The following CCDC40 variants were observed in gnomAD, a reference collection of about 807,000 sequenced individuals.
CCDC40 encodes coiled-coil domain-containing protein 40.
In CCDC40, 104 loss-of-function variants were observed where a neutral mutation model predicts 124.5. That is an observed-to-expected ratio of 0.84 (90% CI 0.71 to 0.98). The LOEUF is 0.98. Among genes scored for constraint, CCDC40 ranks in the 50% least tolerant of loss-of-function variants. The pLI, the probability that CCDC40 is intolerant of heterozygous loss-of-function variation, is 0.00. For synonymous variants in CCDC40, 580 were observed against 602.9 expected, an observed-to-expected ratio of 0.96 and a Z score of 0.56; for missense variants, 1,463 against 1,503.9, an observed-to-expected ratio of 0.97 and a Z score of 0.45.
At chr17:80,042,862 GTTT>G (rs11308447) in intron 3 of CCDC40, among the ~76,000 whole-genome samples, 2 of 146,930 alleles carry the variant, frequency 1.4e-5, no homozygotes, top group African/African-American at 2.5e-5. Flanking sequence ...TTGTTGGGTT[GTTT>G]TTTTTTTTTT....
chr17:80,095,145 T>G, intron 17 of CCDC40, 118 bp from the exon 18 acceptor site: 1 of 937,390 alleles, frequency 1.1e-6, no homozygotes, highest in East Asian at 2.6e-5. Flanking sequence ...CCTCACTGTT[T>G]CCCCGCCGAT....
At chr17:80,051,650 A>AGAAAAG (rs2037599210) in intron 7 of CCDC40, among the ~76,000 whole-genome samples, 1 of 143,718 alleles carries the variant, frequency 7.0e-6, no homozygotes, top group African/African-American at 2.6e-5. Flanking sequence ...AAAAAAAAAA[A>AGAAAAG]AAAAGAAAAA....
intron 3 of CCDC40, chr17:80,040,545 GGC>G: frequency 2.2e-6 from 1 of 450,550 alleles, no homozygotes; most frequent in Non-Finnish European, 4.1e-6. Flanking sequence ...CAGGCGTGGT[GGC>G]GCACGCCTGT....
chr17:80,048,952 G>T (rs1258445893), intron 5 of CCDC40, among the ~76,000 whole-genome samples, 191 bp downstream of exon 5: 2 of 152,174 alleles, frequency 1.3e-5, no homozygotes, highest in Non-Finnish European at 2.9e-5. Context: ...GGTTGGTATA[G>T]GTGAGGCCTG....
At chr17:80,038,299 G>A (rs2037181493) in intron 2 of CCDC40, 113 bp downstream of exon 2, 1 of 710,524 alleles carries the variant, frequency 1.4e-6, no homozygotes, top group Non-Finnish European at 2.5e-6. Flanking sequence ...GGGAGGCCAA[G>A]GCAGGTGGAT....
At chr17:80,067,865 A>T in intron 10 of CCDC40, 2 of 1,393,594 alleles carry the variant, frequency 1.4e-6, no homozygotes, top group Non-Finnish European at 1.9e-6. Flanking sequence ...TGATGAAGAA[A>T]ATAGATAATC....
At chr17:80,099,223 G>A (rs1013176493) in intron 19 of CCDC40, among the ~76,000 whole-genome samples, 1 of 151,842 alleles carries the variant, frequency 6.6e-6, no homozygotes, top group South Asian at 2.1e-4. Context: ...CCCGGGAGGC[G>A]GAGCTTGCAG....
chr17:80,053,677 C>G (rs1477279725), intron 7 of CCDC40, among the ~76,000 whole-genome samples: 1 of 152,168 alleles, frequency 6.6e-6, no homozygotes, highest in Non-Finnish European at 1.5e-5. Context: ...ACTGCAACCT[C>G]CACCTCCCGG....
chr17:80,048,419 G>A (rs1388724960), intron 4 of CCDC40, 164 bp from the exon 5 acceptor site: 5 of 682,284 alleles, frequency 7.3e-6, no homozygotes, highest in Non-Finnish European at 1.3e-5. Flanking sequence ...AGAAGATGGG[G>A]TGAATGATGT....
chr17:80,073,335 C>T (rs2143710246), intron 10 of CCDC40, among the ~76,000 whole-genome samples: 1 of 152,270 alleles, frequency 6.6e-6, no homozygotes, highest in Non-Finnish European at 1.5e-5. Context: ...GGAGCAAGTC[C>T]ACCGGCACCA....
At chr17:80,046,218 C>T (rs994342000) in intron 3 of CCDC40, among the ~76,000 whole-genome samples, 9 of 152,076 alleles carry the variant, frequency 5.9e-5, no homozygotes, top group African/African-American at 1.4e-4. Flanking sequence ...AAATGGAAAA[C>T]ATCTAACTCT....
At chr17:80,075,286 T>A (rs1233122261) in intron 10 of CCDC40, among the ~76,000 whole-genome samples, 2 of 150,208 alleles carry the variant, frequency 1.3e-5, no homozygotes, top group Non-Finnish European at 3.0e-5. Context: ...TTTTTTTTTT[T>A]TTTTTTTTGA....
chr17:80,078,059 GT>G (rs1453616607), intron 10 of CCDC40, among the ~76,000 whole-genome samples: 7 of 152,100 alleles, frequency 4.6e-5, no homozygotes, highest in East Asian at 3.8e-4. Flanking sequence ...GCCGGGCACA[GT>G]GTGGCTCATG....
Position 80,058,830 on chromosome 17 carries a change from C to A in CCDC40, c.1318-28C>A. On this transcript the variant is annotated intron_variant, in intron 8 of 19. Coordinates refer to ENST00000397545, the MANE Select transcript of CCDC40 (RefSeq NM_017950.4). The surrounding 1 kb of genome is among the most constrained non-coding windows in gnomAD (Gnocchi z 4.2). ...GCCCTCAGCCACGGGCACCTCCTGA[C>A]GGGGCTGCTTCTCATCCTGTTTCCC... is the stretch of plus-strand genomic sequence containing the variant. 6.2e-7 allele frequency: 1 copy of A among 1,613,940 alleles called. No individual in the cohort carries two copies. Among genetic ancestry groups the A allele is most frequent in the Non-Finnish European group, 8.5e-7 (1 of 1,179,980 alleles).
chr17:80,090,304 TGCACGAACAACACGGGACGCGC>T (rs1567813727), intron 17 of CCDC40: 1 of 1,332,224 alleles, frequency 7.5e-7, no homozygotes, highest in Non-Finnish European at 1.0e-6. Context: ...CGCAGGCACG[TGCACGAACAACACGGGACGCGC>T]GCAGGCACGT....
rs971312341 is a variant in CCDC40, at chr17:80,082,161, G to A, written c.1989+103G>A. On this transcript the variant is annotated intron_variant, in intron 12 of 19. Transcript: ENST00000397545. ...GGAGAGGGCGGAGTCAGTGTGAGCA[G>A]AGGGCCCTCCTGTGCTCACTCCTTT... 4.2e-6 allele frequency: 4 copies of A among 961,222 alleles called. No individual in the cohort carries two copies. The African/African-American group carries it at 6.7e-5, about 16-fold the overall frequency. 59.5% of individuals were successfully genotyped at this position (961,222 alleles called of 1,614,324 possible).
Position 80,058,785 on chromosome 17 carries a change from C to G in CCDC40, c.1318-73C>G. On this transcript the variant is annotated intron_variant, in intron 8 of 19. Coordinates refer to ENST00000397545, the MANE Select transcript of CCDC40 (RefSeq NM_017950.4). The surrounding 1 kb of genome is among the most constrained non-coding windows in gnomAD (Gnocchi z 4.2). ...CGGCCTGGGTGGCGTCAACTTGTAT[C>G]AAGGGTTGGTGGAGAACAGGCCCTC... The G allele has an allele frequency of 2.5e-6, 4 of 1,611,674 alleles. No individual in the cohort carries two copies. Among genetic ancestry groups the G allele is most frequent in the Non-Finnish European group, 3.4e-6 (4 of 1,178,222 alleles).
At chr17:80,072,665 T>C (rs1394696725) in intron 10 of CCDC40, among the ~76,000 whole-genome samples, 4 of 152,222 alleles carry the variant, frequency 2.6e-5, no homozygotes, top group Non-Finnish European at 5.9e-5. Context: ...GTCATATAAA[T>C]GGAATCGCGC....
intron 1 of CCDC40, chr17:80,037,897 T>C: frequency 2.2e-6 from 1 of 453,492 alleles, no homozygotes; most frequent in Admixed American, 3.4e-5. Context: ...TTAATAATTA[T>C]ATTTTTCATT....
Sources: gnomAD v4.1 joint callset for allele counts (sites outside exome capture counted in the v4.1 genomes callset) on GRCh38, gnomAD v4.1.1 for gene constraint, Gnocchi (gnomAD v3.1) non-coding constraint, MANE v1.5 for transcripts, NCBI Gene and HGNC (gene_info 2026-07-23, HGNC 2026-07-21) for gene names.